TTN: variants seen among roughly 807,000 people sequenced by gnomAD.
TTN encodes the protein connectin.
TTN carries 1,525 observed loss-of-function variants against 3,223.0 expected under a neutral mutation model. That is an observed-to-expected ratio of 0.47 (90% CI 0.45 to 0.49). TTN has a LOEUF of 0.49. Among genes scored for constraint, TTN ranks in the 20% least tolerant of loss-of-function variants. The pLI is 0.00. For missense variants in TTN, 40,786 were observed against 43,424.0 expected (o/e 0.94, Z 5.40); for synonymous variants, 14,094 against 15,161.0 (o/e 0.93, Z 5.17).
chr2:178,789,648 A>G (rs2093384328), intron 12 of TTN, 151 bp from the exon 13 acceptor site: 2 of 1,101,270 alleles, frequency 1.8e-6, no homozygotes, highest in Admixed American at 2.3e-5. Flanking sequence ...GTCTACATAT[A>G]CTGACTGAGA....
chr2:178,770,950 G>C (rs900666272), intron 34 of TTN: 2 of 766,988 alleles, frequency 2.6e-6, no homozygotes, highest in Non-Finnish European at 4.5e-6. Context: ...ATTGGAGAAG[G>C]GTGAAAGACG....
chr2:178,695,286 C>T (rs1310223060), intron 115 of TTN, 62 bp downstream of exon 115: 5 of 1,350,362 alleles, frequency 3.7e-6, no homozygotes, highest in South Asian at 2.6e-5. Flanking sequence ...TACATTGCTG[C>T]CAAACAAGCC....
rs2073366200 is a variant in TTN, at chr2:178,695,021, C to T, written c.31271-115G>A. On this transcript the variant is annotated intron_variant, in intron 115 of 362. Coordinates refer to ENST00000589042, the MANE Select transcript of TTN (RefSeq NM_001267550.2). Reference sequence around the variant, plus strand: ...TTATACACACCTATAAGTGTATATGCAGATACATGTATCATTTTTTAAAGA... The same window carrying T: ...TTATACACACCTATAAGTGTATATGTAGATACATGTATCATTTTTTAAAGA... 3 of 727,110 alleles carry T rather than the reference C, an allele frequency of 4.1e-6. No individual in the cohort carries two copies. In the Admixed American group the frequency reaches 9.8e-5, roughly 24 times the overall value. The allele number at this position is 727,110 out of a possible 1,614,324, so 45.0% of individuals were successfully genotyped here. A position where few individuals can be genotyped will look rare whatever the true frequency, so the allele number is the denominator to read the frequency against.
Position 178,557,043 on chromosome 2 carries a change from T to A in TTN, c.88111A>T (p.Ile29371Phe). 1 of 1,613,774 alleles carries A rather than the reference T, an allele frequency of 6.2e-7. No individual in the cohort carries two copies. Among genetic ancestry groups the A allele is most frequent in the Non-Finnish European group, 8.5e-7 (1 of 1,179,818 alleles). ...TCTGGAAGGTCACGTCTCTCAACAA[T>A]GTAGCCTGTAATCTTGCTACCTCCA... ...FDGGSKITGY[I>F]VERRDLPDGR... The change falls in exon 330 of 363, where the codon ATT (isoleucine) becomes TTT (phenylalanine). Residue 29371 changes from isoleucine (I) to phenylalanine (F), a missense_variant. Ile to Phe is a conservative substitution (Grantham distance 21). Transcript: ENST00000589042.
chr2:178,745,824 G>A, intron 47 of TTN: 1 of 1,613,214 alleles, frequency 6.2e-7, no homozygotes, highest in Non-Finnish European at 8.5e-7. Context: ...GTACCTATTG[G>A]TGCATAACAG....
chr2:178,601,770 G>A lies in TTN; in HGVS notation c.55320C>T (p.Asn18440=), dbSNP rs911563094. 3 of 1,603,912 alleles carry A rather than the reference G, an allele frequency of 1.9e-6. No homozygotes were observed. Among genetic ancestry groups the A allele is most frequent in the South Asian group, 2.3e-5 (2 of 88,444 alleles). ...PEDAQLETAE[N]SSVIIIPECK... Reference sequence around the variant, plus strand: ...ACTCCGGAATAATAATTACTGAGGAGTTTTCAGCAGTCTCCAGCTGTACAA... The same window carrying A: ...ACTCCGGAATAATAATTACTGAGGAATTTTCAGCAGTCTCCAGCTGTACAA... Residue 18440 remains asparagine (N), a synonymous_variant, in exon 286 of 363, where the codon AAC becomes AAT. Transcript: ENST00000589042.
intron 116 of TTN, 27 bp downstream of exon 116, chr2:178,694,802 G>A: frequency 6.5e-7 from 1 of 1,529,050 alleles, no homozygotes; most frequent in South Asian, 1.2e-5. Context: ...TTGTGTACAT[G>A]GGTGCTAGGA....
At position 178,649,892 on chromosome 2, in the gene TTN, G is replaced by A. The variant is rs765750954; in HGVS notation, c.39820C>T (p.Pro13274Ser). 58 of 1,601,712 alleles carry A rather than the reference G, an allele frequency of 3.6e-5. No homozygotes were observed. The East Asian group carries it at 1.2e-3, about 33-fold the overall frequency. ...EEPEVPPPAV[P>S]EEPKKIIPEK... ...GGGATGATCTTCTTGGGCTCTTCAG[G>A]CACTTGAATAATAGGAATTTCTTTT... The change falls in exon 211 of 363, where the codon CCT (proline) becomes TCT (serine). Residue 13274 changes from proline to serine, a missense_variant and splice_region_variant. Coordinates refer to ENST00000589042, the MANE Select transcript of TTN (RefSeq NM_001267550.2).
Position 178,634,208 on chromosome 2 carries a change from A to G in TTN, c.42416-125T>C, listed in dbSNP as rs2060143018. 22 of 1,486,372 alleles carry G rather than the reference A, an allele frequency of 1.5e-5. No individual in the cohort carries two copies. The highest frequency in any genetic ancestry group is 1.9e-5 in the Non-Finnish European group (21 of 1,118,970). 92.1% of individuals were successfully genotyped at this position (1,486,372 alleles called of 1,614,324 possible). ...CTTATTTATTCATCTTTCCAAATAG[A>G]GCTCCACTAAAAACAAATTAAGGGG... is the stretch of plus-strand genomic sequence containing the variant. On this transcript the variant is annotated intron_variant, in intron 230 of 362. Transcript: ENST00000589042. The surrounding 1 kb of genome is among the most constrained non-coding windows in gnomAD (Gnocchi z 4.6).
chr2:178,675,733 G>A lies in TTN; in HGVS notation c.34475C>T (p.Pro11492Leu), dbSNP rs1276076266. The A allele has an allele frequency of 7.0e-7, 1 of 1,436,940 alleles. No individual in the cohort carries two copies. The highest frequency in any genetic ancestry group is 2.5e-5 in the East Asian group (1 of 39,806). 89.0% of individuals were successfully genotyped at this position (1,436,940 alleles called of 1,614,324 possible). ...PAKVSVVPKK[P>L]EPEKKVPPPG... ...AGGAGGGACCTTCTTTTCTGGCTCA[G>A]GTTTCTTAGGTACCACAGACACTTT... The change falls in exon 149 of 363, where the codon CCT (proline) becomes CTT (leucine). Residue 11492 changes from proline (P) to leucine (L), a missense_variant. Pro to Leu is a moderately conservative substitution (Grantham distance 98, BLOSUM62 -3). Transcript: ENST00000589042.
rs2088783493 is a variant in TTN at position 178,760,460 on chromosome 2, G to C, written c.10115-1288C>G. 2.6e-5 allele frequency among the ~76,000 whole-genome samples: 4 copies of C among 152,138 alleles called. No homozygotes were observed. The South Asian group carries it at 6.2e-4, about 24-fold the overall frequency. Reference sequence around the variant, plus strand: ...CAGGAGAATAGCTTGAACCCGGGAGGGGGAGGTTGCAGTGAGCCGAGATCT... The same window carrying C: ...CAGGAGAATAGCTTGAACCCGGGAGCGGGAGGTTGCAGTGAGCCGAGATCT... On this transcript the variant is annotated intron_variant, in intron 43 of 362. Transcript: ENST00000589042.
chr2:178,748,325 C>T (rs771799805), intron 47 of TTN: 2 of 1,612,842 alleles, frequency 1.2e-6, no homozygotes, highest in Non-Finnish European at 8.5e-7. Flanking sequence ...TTCATCAATA[C>T]TACTTTTCTC....
Position 178,714,403 on chromosome 2 carries a change from T to A in TTN, c.26371A>T (p.Ile8791Phe). The A allele has an allele frequency of 6.2e-7, 1 of 1,613,830 alleles. No homozygotes were observed. Among genetic ancestry groups the A allele is most frequent in the African/African-American group, 1.3e-5 (1 of 75,040 alleles). Residue 8791 changes from isoleucine to phenylalanine, a missense_variant, in exon 91 of 363, where the codon ATT becomes TTT. By Grantham distance (21) the Ile-to-Phe change is conservative (BLOSUM62 0). Transcript: ENST00000589042. ...DNIWISYSENIATLQFSRVEP... is the reference protein window; with the variant it reads ...DNIWISYSENFATLQFSRVEP... Reference sequence around the variant, plus strand: ...ACTCTTGAAAACTGTAAGGTTGCAATGTTTTCTGAATAAGAAATCCATATG... The same window carrying A: ...ACTCTTGAAAACTGTAAGGTTGCAAAGTTTTCTGAATAAGAAATCCATATG...
At chr2:178,738,505 G>A in intron 48 of TTN, 145 bp from the exon 49 acceptor site, 1 of 988,540 alleles carries the variant, frequency 1.0e-6, no homozygotes, top group Non-Finnish European at 1.4e-6. Context: ...CAAGTGACTG[G>A]AAAATGAGAA....
rs1284272355 is a variant in TTN at position 178,632,338 on chromosome 2, T to G, written c.43556A>C (p.Glu14519Ala). The change falls in exon 236 of 363, where the codon GAG (glutamate) becomes GCG (alanine). Residue 14519 changes from glutamate to alanine, a missense_variant. Physicochemically the swap from Glu to Ala is moderately radical, Grantham distance 107. Coordinates refer to ENST00000589042, the MANE Select transcript of TTN (RefSeq NM_001267550.2). ...AACTCGGATGTTATCATGAGATAAC[T>G]CCACAGTAAATACAGCACTTTCCTT... Reference protein sequence around the residue: ...KEKESAVFTVELSHDNIRVKW... With the variant: ...KEKESAVFTVALSHDNIRVKW... The G allele has an allele frequency of 6.2e-7, 1 of 1,606,228 alleles. No individual in the cohort carries two copies. The highest frequency in any genetic ancestry group is 1.1e-5 in the South Asian group (1 of 89,706).
In TTN at chr2:178,553,043, G is replaced by T; in HGVS notation, c.89857C>A (p.Leu29953Ile). Residue 29953 changes from leucine (L) to isoleucine (I), a missense_variant, in exon 335 of 363, where the codon CTC becomes ATC. Transcript: ENST00000589042. ...CCATCAATGAGAGGAGGATCCCAGA[G>T]CAAAGTGACTGTGCCTCGAGAAACA... ...KHVSRGTVTL[L>I]WDPPLIDGGS... 1 of 1,612,126 alleles carries T rather than the reference G, an allele frequency of 6.2e-7. No homozygotes were observed. Among genetic ancestry groups the T allele is most frequent in the Non-Finnish European group, 8.5e-7 (1 of 1,179,710 alleles).
rs1185938947 is a variant in TTN at position 178,531,464 on chromosome 2, A to C, written c.105151T>G (p.Ser35051Ala). 6.2e-7 allele frequency: 1 copy of C among 1,613,786 alleles called. No homozygotes were observed. Among genetic ancestry groups the C allele is most frequent in the African/African-American group, 1.3e-5 (1 of 74,928 alleles). ...SQRRDEEVPRSVFPELTRTEA... is the reference protein window; with the variant it reads ...SQRRDEEVPRAVFPELTRTEA... ...GTTCTTGTCAGCTCAGGGAAAACAG[A>C]TCTGGGGACCTCTTCATCTCTGCGT... The change falls in exon 358 of 363, where the codon TCT (serine) becomes GCT (alanine). Residue 35051 changes from serine (S) to alanine (A), a missense_variant. By Grantham distance (99) the Ser-to-Ala change is moderately conservative. Transcript: ENST00000589042.
chr2:178,546,182 T>TATAA, intron 342 of TTN, 30 bp downstream of exon 342: 2 of 1,594,570 alleles, frequency 1.3e-6, no homozygotes, highest in South Asian at 2.3e-5. Flanking sequence ...GAAAATGCTA[T>TATAA]ATAAATGTGA....
Position 178,597,707 on chromosome 2 carries a change from G to C in TTN, c.57375C>G (p.Thr19125=), listed in dbSNP as rs545858998. Residue 19125 remains threonine (T), a synonymous_variant, in exon 294 of 363, where the codon ACC becomes ACG. Coordinates refer to ENST00000589042, the MANE Select transcript of TTN (RefSeq NM_001267550.2). ...GTAAGGTTCTTTCATTCATGTTCCA[G>C]GTGACGGTTGGAGGAGGCTTTCCAG... is the stretch of plus-strand genomic sequence containing the variant. ...YVSGKPPPTV[T]WNMNERTLPQ... 8 of 1,613,320 alleles carry C rather than the reference G, an allele frequency of 5.0e-6. No individual in the cohort carries two copies. Among genetic ancestry groups the C allele is most frequent in the South Asian group, 4.4e-5 (4 of 91,066 alleles).
Sources: gnomAD v4.1 joint callset for allele counts (sites outside exome capture counted in the v4.1 genomes callset) on GRCh38, gnomAD v4.1.1 for gene constraint, Gnocchi (gnomAD v3.1) non-coding constraint, MANE v1.5 for transcripts, NCBI Gene and HGNC (gene_info 2026-07-23, HGNC 2026-07-21) for gene names.